Variants in CSMD1 observed in about 807,000 individuals in gnomAD.
CSMD1 encodes the protein CUB and Sushi multiple domains 1, also known as CUB and sushi domain-containing protein 1.
A neutral mutation model predicts 417.5 loss-of-function variants in CSMD1; 213 were observed. The observed-to-expected ratio is 0.51, with a 90% CI of 0.46 to 0.57. The LOEUF is 0.57. Among genes scored for constraint, CSMD1 ranks in the 20% least tolerant of loss-of-function variants. The probability of loss-of-function intolerance (pLI) is 0.00; values close to 1 mark genes in which losing one functional copy is unlikely to be tolerated. For synonymous variants in CSMD1, 2,862 were observed against 1,736.8 expected (o/e 1.65, Z -16.11); for missense variants, 6,923 against 4,529.7 (o/e 1.53, Z -15.17).
At chr8:2,992,484 C>G (rs547400702) in intron 54 of CSMD1, among the ~76,000 whole-genome samples, 4 of 151,838 alleles carry the variant, frequency 2.6e-5, no homozygotes, top group African/African-American at 9.7e-5. Flanking sequence ...AGTGCAGTGG[C>G]GTGATCTTGG....
intron 3 of CSMD1, among the ~76,000 whole-genome samples, chr8:4,336,147 C>T (rs1800156422): frequency 6.6e-6 from 1 of 152,214 alleles, no homozygotes; most frequent in African/African-American, 2.4e-5. Context: ...ACTTTAAGCT[C>T]TACCCTGAAT....
intron 3 of CSMD1, among the ~76,000 whole-genome samples, chr8:4,196,307 T>C (rs1381650659): frequency 6.6e-6 from 1 of 152,216 alleles, no homozygotes; most frequent in Non-Finnish European, 1.5e-5. Context: ...ATTTGTTCTA[T>C]CGCTGCCGTA....
chr8:4,931,354 A>G (rs913206032), intron 1 of CSMD1, among the ~76,000 whole-genome samples: 1 of 152,176 alleles, frequency 6.6e-6, no homozygotes, highest in Non-Finnish European at 1.5e-5. Context: ...CTTTGATATT[A>G]GGCATAATCA....
chr8:4,335,080 T>C (rs1800092139), intron 3 of CSMD1, among the ~76,000 whole-genome samples: 1 of 152,118 alleles, frequency 6.6e-6, no homozygotes, highest in East Asian at 1.9e-4. Flanking sequence ...TTTTGTACTT[T>C]GTGTAGAGAC....
At chr8:4,817,760 G>A (rs769794976) in intron 1 of CSMD1, among the ~76,000 whole-genome samples, 1 of 152,198 alleles carries the variant, frequency 6.6e-6, no homozygotes, top group African/African-American at 2.4e-5. Context: ...ATCACGCTGA[G>A]TAGGTACTCT....
chr8:4,680,556 T>G (rs1805974243), intron 1 of CSMD1, among the ~76,000 whole-genome samples: 1 of 152,058 alleles, frequency 6.6e-6, no homozygotes, highest in African/African-American at 2.4e-5. Flanking sequence ...GCCAGCTTGA[T>G]AGGGGGCCAC....
At chr8:3,644,856 A>C in intron 7 of CSMD1, among the ~76,000 whole-genome samples, 1 of 151,020 alleles carries the variant, frequency 6.6e-6, no homozygotes, top group East Asian at 2.0e-4. Context: ...TCGTTTCCTA[A>C]GAGATTGCTG....
intron 5 of CSMD1, among the ~76,000 whole-genome samples, chr8:3,869,328 C>T (rs547151744): frequency 6.6e-6 from 1 of 152,282 alleles, no homozygotes; most frequent in Admixed American, 6.5e-5. Flanking sequence ...GCATGTATCA[C>T]CTGTGGCTAT....
In CSMD1 at chr8:3,401,085, C is replaced by T. The variant is rs997579523; in HGVS notation, c.2267-1556G>A. ...AATTCTTTTGTTTTTTAAAGCAATGCAACACATTCTTTTATGAATACAACA... is the reference window on the plus strand; with the variant it reads ...AATTCTTTTGTTTTTTAAAGCAATGTAACACATTCTTTTATGAATACAACA... On this transcript the variant is annotated intron_variant, in intron 15 of 69. Coordinates refer to ENST00000635120, the MANE Select transcript of CSMD1 (RefSeq NM_033225.6). Among the ~76,000 whole-genome samples the T allele has an allele frequency of 5.3e-5, 8 of 151,610 alleles. No individual in the cohort carries two copies. The South Asian group carries it at 8.3e-4, about 16-fold the overall frequency.
chr8:3,556,627 C>G (rs979823654), intron 10 of CSMD1, among the ~76,000 whole-genome samples: 1 of 151,316 alleles, frequency 6.6e-6, no homozygotes, highest in Non-Finnish European at 1.5e-5. Flanking sequence ...AAAACATTGT[C>G]GTGGGGGCTG....
At chr8:3,636,546 C>A (rs1797059483) in intron 7 of CSMD1, among the ~76,000 whole-genome samples, 1 of 152,150 alleles carries the variant, frequency 6.6e-6, no homozygotes, top group Non-Finnish European at 1.5e-5. Flanking sequence ...ACCATCTGTT[C>A]CTGAGGAATG....
intron 65 of CSMD1, among the ~76,000 whole-genome samples, chr8:2,953,121 A>G (rs1802749212): frequency 6.6e-6 from 1 of 152,220 alleles, no homozygotes; most frequent in African/African-American, 2.4e-5. Context: ...AAACACACAC[A>G]CAACAATAAT....
chr8:4,056,797 G>C (rs1247553211), intron 3 of CSMD1, among the ~76,000 whole-genome samples: 2 of 150,810 alleles, frequency 1.3e-5, no homozygotes, highest in Non-Finnish European at 2.9e-5. Context: ...TTCGTTTTTT[G>C]TCCTTGTGAT....
intron 16 of CSMD1, among the ~76,000 whole-genome samples, chr8:3,398,531 GATA>G (rs1386818857): frequency 6.6e-6 from 1 of 152,114 alleles, no homozygotes; most frequent in Non-Finnish European, 1.5e-5. Flanking sequence ...AAAACAAAAA[GATA>G]ATAATACAAT....
At chr8:3,642,613 G>A (rs1265455048) in intron 7 of CSMD1, among the ~76,000 whole-genome samples, 1 of 152,160 alleles carries the variant, frequency 6.6e-6, no homozygotes, top group East Asian at 1.9e-4. Flanking sequence ...AGAAAACCTG[G>A]CATCGTGAGT....
chr8:2,954,419 G>A (rs1201648956), intron 64 of CSMD1, among the ~76,000 whole-genome samples, 151 bp from the exon 65 acceptor site: 2 of 152,060 alleles, frequency 1.3e-5, no homozygotes, highest in East Asian at 3.9e-4. Context: ...TTAAACTCAT[G>A]TCTTTACAGC....
chr8:4,304,649 C>T (rs1326626759), intron 3 of CSMD1, among the ~76,000 whole-genome samples: 1 of 152,104 alleles, frequency 6.6e-6, no homozygotes, highest in African/African-American at 2.4e-5. Context: ...GCTACTCATA[C>T]CCAAATAATG....
chr8:3,933,817 C>G (rs1239720981), intron 5 of CSMD1, among the ~76,000 whole-genome samples: 2 of 152,108 alleles, frequency 1.3e-5, no homozygotes, highest in African/African-American at 4.8e-5. Context: ...GCACTTAAAA[C>G]CAATTAGTCC....
chr8:3,071,019 G>C (rs2128998328), intron 49 of CSMD1, among the ~76,000 whole-genome samples: 1 of 152,334 alleles, frequency 6.6e-6, no homozygotes, highest in East Asian at 1.9e-4. Context: ...AGAAGGCCAA[G>C]GGGGAATAAC....
Sources: allele counts gnomAD v4.1 joint callset (sites outside exome capture counted in the v4.1 genomes callset), GRCh38; gene constraint gnomAD v4.1.1; transcripts MANE v1.5; gene names NCBI Gene and HGNC (gene_info 2026-07-23, HGNC 2026-07-21).